Variants in SPIDR observed in about 807,000 individuals in gnomAD.
SPIDR encodes the protein scaffold protein involved in DNA repair, also known as DNA repair-scaffolding protein.
Under a neutral mutation model 104.6 loss-of-function variants are expected in SPIDR, and 93 were observed. That is an observed-to-expected ratio of 0.89 (90% CI 0.75 to 1.06). The LOEUF is 1.06. Ranked by LOEUF, SPIDR falls within the 50% of genes least tolerant of loss-of-function variation. The pLI is 0.00. For synonymous variants in SPIDR, 431 were observed against 416.9 expected, an observed-to-expected ratio of 1.03 and a Z score of -0.41; for missense variants, 1,154 against 1,111.2, an observed-to-expected ratio of 1.04 and a Z score of -0.55.
At chr8:47,591,807 C>T (rs1273720051) in intron 8 of SPIDR, among the ~76,000 whole-genome samples, 2 of 151,912 alleles carry the variant, frequency 1.3e-5, no homozygotes, top group Non-Finnish European at 2.9e-5. Context: ...AAGAAAAACA[C>T]GCACATCCCT....
intron 8 of SPIDR, among the ~76,000 whole-genome samples, chr8:47,517,172 G>A (rs972626600): frequency 2.0e-5 from 3 of 151,970 alleles, no homozygotes; most frequent in African/African-American, 7.3e-5. Context: ...TTTTAATAGT[G>A]ACAGATTTTC....
intron 5 of SPIDR, among the ~76,000 whole-genome samples, chr8:47,298,760 T>C (rs1282757453): frequency 6.6e-6 from 1 of 152,210 alleles, no homozygotes; most frequent in African/African-American, 2.4e-5. Context: ...GATCAGATAG[T>C]TGTAGATATG....
intron 8 of SPIDR, among the ~76,000 whole-genome samples, chr8:47,587,067 G>A (rs2154416362): frequency 6.6e-6 from 1 of 152,236 alleles, no homozygotes; most frequent in East Asian, 1.9e-4. Flanking sequence ...ACTGCGCTCG[G>A]CCTCAAGTTC....
chr8:47,411,467 A>C (rs2154326977), intron 7 of SPIDR, among the ~76,000 whole-genome samples: 1 of 152,284 alleles, frequency 6.6e-6, no homozygotes, highest in South Asian at 2.1e-4. Context: ...TCTTGTGAGA[A>C]GTGTCTGTTC....
chr8:47,436,186 A>G (rs1198805691), intron 7 of SPIDR, among the ~76,000 whole-genome samples: 1 of 152,178 alleles, frequency 6.6e-6, no homozygotes, highest in East Asian at 1.9e-4. Context: ...TACTGTGTCC[A>G]TTTAAAACGG....
At chr8:47,444,418 C>T (rs924348304) in intron 8 of SPIDR, among the ~76,000 whole-genome samples, 4 of 152,222 alleles carry the variant, frequency 2.6e-5, no homozygotes, top group Non-Finnish European at 5.9e-5. Context: ...AGATACTTTG[C>T]TTCTCCTCAG....
intron 6 of SPIDR, among the ~76,000 whole-genome samples, chr8:47,405,190 A>G (rs2062546024): frequency 6.6e-6 from 1 of 151,452 alleles, no homozygotes; most frequent in Admixed American, 6.6e-5. Context: ...AACATCACAC[A>G]CCGGGGCCTG....
At chr8:47,548,863 G>A (rs1001960636) in intron 8 of SPIDR, among the ~76,000 whole-genome samples, 4 of 152,110 alleles carry the variant, frequency 2.6e-5, no homozygotes, top group Non-Finnish European at 5.9e-5. Context: ...TTGCTGTGCT[G>A]CACCCATTAA....
At chr8:47,517,014 A>T (rs1376342262) in intron 8 of SPIDR, among the ~76,000 whole-genome samples, 2 of 152,082 alleles carry the variant, frequency 1.3e-5, no homozygotes, top group Non-Finnish European at 2.9e-5. Context: ...CATTTCCCTA[A>T]TGACTTGTCG....
chr8:47,428,645 C>T (rs914427555), intron 7 of SPIDR, among the ~76,000 whole-genome samples: 8 of 151,966 alleles, frequency 5.3e-5, no homozygotes, highest in Non-Finnish European at 1.2e-4. Flanking sequence ...TTAAGAAATG[C>T]GAATAACACG....
intron 10 of SPIDR, among the ~76,000 whole-genome samples, chr8:47,621,784 G>C (rs1338553849): frequency 6.6e-6 from 1 of 152,210 alleles, no homozygotes; most frequent in Non-Finnish European, 1.5e-5. Flanking sequence ...TACCAGTCTG[G>C]CCAACATGGT....
At chr8:47,263,791 C>G (rs2033193016) in intron 1 of SPIDR, among the ~76,000 whole-genome samples, 1 of 152,354 alleles carries the variant, frequency 6.6e-6, no homozygotes, top group East Asian at 1.9e-4. Flanking sequence ...AATTTCACCT[C>G]CCAAATTATC....
chr8:47,486,268 A>G (rs1339226320), intron 8 of SPIDR, among the ~76,000 whole-genome samples: 1 of 152,240 alleles, frequency 6.6e-6, no homozygotes, highest in Non-Finnish European at 1.5e-5. Flanking sequence ...TGGAGATCAA[A>G]TGAATGAAAT....
intron 10 of SPIDR, among the ~76,000 whole-genome samples, chr8:47,646,604 A>G (rs2070407565): frequency 1.3e-5 from 2 of 152,208 alleles, no homozygotes; most frequent in Non-Finnish European, 2.9e-5. Context: ...TGAGGAAACA[A>G]TGAACTGTCA....
At chr8:47,478,366 A>C (rs2076517255) in intron 8 of SPIDR, among the ~76,000 whole-genome samples, 3 of 152,186 alleles carry the variant, frequency 2.0e-5, no homozygotes, top group African/African-American at 7.2e-5. Context: ...GTTGTGCGTG[A>C]CAGTTTCATC....
rs148670213 is a variant in SPIDR at position 47,578,074 on chromosome 8, A to G, written c.1098-17737A>G. Among the ~76,000 whole-genome samples the G allele has an allele frequency of 4.9e-3, 741 of 152,324 alleles. 25 individuals carry two copies. In the East Asian group the frequency reaches 0.049, roughly 10 times the overall value. ...AATGATAACTTAAAGACTAATCATA[A>G]CTGATACTAAGGTATTCAGTTTTCT... On this transcript the variant is annotated intron_variant, in intron 8 of 19. Transcript: ENST00000297423.
At chr8:47,608,767 A>G (rs533081847) in intron 10 of SPIDR, among the ~76,000 whole-genome samples, 31 of 152,144 alleles carry the variant, frequency 2.0e-4, no homozygotes, top group South Asian at 2.1e-4. Flanking sequence ...CTCTGTCGCC[A>G]GGGCGGAGTG....
At chr8:47,472,399 A>G (rs2075827516) in intron 8 of SPIDR, among the ~76,000 whole-genome samples, 1 of 152,228 alleles carries the variant, frequency 6.6e-6, no homozygotes, top group Admixed American at 6.5e-5. Context: ...AGGTGGCCAC[A>G]GAGGGAGAAG....
chr8:47,732,147 C>T (rs1177233173), intron 19 of SPIDR: 2 of 702,610 alleles, frequency 2.8e-6, no homozygotes, highest in African/African-American at 1.7e-5. Context: ...AGACCAGGAA[C>T]CCTGGCAGAA....
Sources: allele counts gnomAD v4.1 joint callset (sites outside exome capture counted in the v4.1 genomes callset), GRCh38; gene constraint gnomAD v4.1.1; transcripts MANE v1.5; gene names NCBI Gene and HGNC (gene_info 2026-07-23, HGNC 2026-07-21).